Variants in SLC41A2 observed in about 807,000 individuals in gnomAD.
SLC41A2 encodes SLC41A1-like 1.
A neutral mutation model predicts 58.3 loss-of-function variants in SLC41A2; 32 were observed. That is an observed-to-expected ratio of 0.55 (90% CI 0.41 to 0.74). The LOEUF is 0.74. Among genes scored for constraint, SLC41A2 ranks in the 30% least tolerant of loss-of-function variants. The pLI, the probability that SLC41A2 is intolerant of heterozygous loss-of-function variation, is 0.00. For synonymous variants in SLC41A2, 190 were observed against 235.0 expected, an observed-to-expected ratio of 0.81 and a Z score of 1.75; for missense variants, 514 against 680.6, an observed-to-expected ratio of 0.76 and a Z score of 2.72.
Position 104,947,194 on chromosome 12 carries a change from C to CTTTTTTTTTTTTTTT in SLC41A2, c.-168+10893_-168+10894insAAAAAAAAAAAAAAA, listed in dbSNP as rs1491116311. 1.3e-4 allele frequency among the ~76,000 whole-genome samples: 7 copies of CTTTTTTTTTTTTTTT among 53,688 alleles called. 2 individuals are homozygous for CTTTTTTTTTTTTTTT. Among genetic ancestry groups the CTTTTTTTTTTTTTTT allele is most frequent in the East Asian group, 1.0e-3 (1 of 982 alleles). The allele number at this position is 53,688 out of a possible 152,430, so 35.2% of individuals were successfully genotyped here. A position where few individuals can be genotyped will look rare whatever the true frequency, so the allele number is the denominator to read the frequency against. On this transcript the variant is annotated intron_variant, in intron 1 of 10. Coordinates refer to ENST00000258538, the MANE Select transcript of SLC41A2 (RefSeq NM_001352171.3). ...CTGAATTTCTGGCTTTTATTTTTGTCCTTTTTTTTTTTTTTTTTTTTTTTT... is the reference window on the plus strand; with the variant it reads ...CTGAATTTCTGGCTTTTATTTTTGTCTTTTTTTTTTTTTTTCTTTTTTTTTTTTTTTTTTTTTTTT...
intron 1 of SLC41A2, among the ~76,000 whole-genome samples, chr12:104,932,946 GAAA>G (rs749777809): frequency 2.6e-5 from 4 of 151,776 alleles, no homozygotes; most frequent in Non-Finnish European, 4.4e-5. Flanking sequence ...GAAAACCTAG[GAAA>G]AAAACTCTTC....
intron 2 of SLC41A2, among the ~76,000 whole-genome samples, chr12:104,912,111 T>A: frequency 6.6e-6 from 1 of 152,218 alleles, no homozygotes; most frequent in East Asian, 1.9e-4. Flanking sequence ...AGATCCCGGA[T>A]ATACTTCAGA....
chr12:104,821,021 A>G (rs896797581), intron 10 of SLC41A2, among the ~76,000 whole-genome samples: 3 of 152,228 alleles, frequency 2.0e-5, no homozygotes, highest in East Asian at 1.9e-4. Context: ...CGTGAGTATA[A>G]TAACAATCTT....
At chr12:104,843,829 T>G (rs1195386185) in intron 10 of SLC41A2, among the ~76,000 whole-genome samples, 1 of 152,146 alleles carries the variant, frequency 6.6e-6, no homozygotes, top group Non-Finnish European at 1.5e-5. Context: ...GAGAATTAAA[T>G]GAATCAATAC....
intron 8 of SLC41A2, among the ~76,000 whole-genome samples, chr12:104,849,671 T>C (rs2042729465): frequency 6.6e-6 from 1 of 151,884 alleles, no homozygotes; most frequent in Non-Finnish European, 1.5e-5. Flanking sequence ...CTACTAAAAA[T>C]AAAAAAATTA....
chr12:104,885,091 A>AT (rs1281245795), intron 6 of SLC41A2, among the ~76,000 whole-genome samples: 10 of 152,292 alleles, frequency 6.6e-5, no homozygotes, highest in Non-Finnish European at 1.2e-4. Flanking sequence ...AATATACTTA[A>AT]ACATGTATCA....
intron 6 of SLC41A2, among the ~76,000 whole-genome samples, chr12:104,873,799 T>G (rs1168568554): frequency 6.6e-6 from 1 of 152,202 alleles, no homozygotes; most frequent in East Asian, 1.9e-4. Flanking sequence ...TACCTTTTCA[T>G]ATACTTGTTC....
chr12:104,950,137 T>C (rs2047896634), intron 1 of SLC41A2, among the ~76,000 whole-genome samples: 1 of 152,194 alleles, frequency 6.6e-6, no homozygotes, highest in Non-Finnish European at 1.5e-5. Flanking sequence ...TGAGGAAGAA[T>C]AAATAACTTC....
At position 104,848,546 on chromosome 12, in the gene SLC41A2, T is replaced by G. The variant is rs60669490; in HGVS notation, c.1256-2572A>C. 7.1e-3 allele frequency among the ~76,000 whole-genome samples: 1,081 copies of G among 151,696 alleles called. 27 individuals carry two copies. Among genetic ancestry groups the G allele is most frequent in the East Asian group, 0.033 (171 of 5,170 alleles). ...CTTCTTTGAATAGATAAAAAAGAGG[T>G]AGAAGACACAAATTCTAATATCAAG... On this transcript the variant is annotated intron_variant, in intron 8 of 10. Transcript: ENST00000258538.
intron 7 of SLC41A2, 99 bp downstream of exon 7, chr12:104,866,333 A>G: frequency 7.7e-7 from 1 of 1,301,436 alleles, no homozygotes; most frequent in Non-Finnish European, 9.8e-7. Context: ...TTATTTTAAT[A>G]TGCATGTACA....
intron 3 of SLC41A2, among the ~76,000 whole-genome samples, chr12:104,908,040 G>A (rs1313435856): frequency 7.2e-5 from 11 of 152,062 alleles, no homozygotes; most frequent in African/African-American, 1.4e-4. Context: ...AGAGGCAGGC[G>A]GATCACCTGA....
intron 6 of SLC41A2, among the ~76,000 whole-genome samples, chr12:104,874,846 A>T (rs2043972067): frequency 6.6e-6 from 1 of 152,148 alleles, no homozygotes; most frequent in African/African-American, 2.4e-5. Context: ...GTTTCATATG[A>T]ATTTTAGAAT....
Position 104,866,466 on chromosome 12 carries a change from A to G in SLC41A2, c.1141T>C (p.Trp381Arg). The change falls in exon 7 of 11, where the codon TGG becomes CGG. Residue 381 changes from tryptophan (W) to arginine (R), a missense_variant. Transcript: ENST00000258538. ...ACCATAGCTGTTATGACAGGCTCCC[A>G]GCCTGAGTGGAGAACTGTTCTTGTG... ...PATRTVLHSG[W>R]EPVITAMVIS... The G allele has an allele frequency of 2.5e-6, 4 of 1,613,294 alleles. No homozygotes were observed. The highest frequency in any genetic ancestry group is 3.4e-6 in the Non-Finnish European group (4 of 1,179,660).
chr12:104,839,798 C>T (rs368793392), intron 10 of SLC41A2, among the ~76,000 whole-genome samples: 5 of 152,290 alleles, frequency 3.3e-5, no homozygotes, highest in Non-Finnish European at 5.9e-5. Context: ...CCACTGCGCC[C>T]GGCCTCTGCT....
chr12:104,815,074 G>A (rs147652165), intron 10 of SLC41A2, among the ~76,000 whole-genome samples: 116 of 152,086 alleles, frequency 7.6e-4, no homozygotes, highest in African/African-American at 2.7e-3. Flanking sequence ...TTCTTCCCGT[G>A]CAATTTATTT....
chr12:104,947,194 C>CTT lies in SLC41A2; in HGVS notation c.-168+10893_-168+10894insAA, dbSNP rs1491116311. On this transcript the variant is annotated intron_variant, in intron 1 of 10. Coordinates refer to ENST00000258538, the MANE Select transcript of SLC41A2 (RefSeq NM_001352171.3). ...CTGAATTTCTGGCTTTTATTTTTGT[C>CTT]CTTTTTTTTTTTTTTTTTTTTTTTT... Among the ~76,000 whole-genome samples, 143 of 53,690 alleles carry CTT rather than the reference C, an allele frequency of 2.7e-3. 32 individuals are homozygous for CTT. Among genetic ancestry groups the CTT allele is most frequent in the Non-Finnish European group, 3.2e-3 (90 of 28,160 alleles). 35.2% of individuals were successfully genotyped at this position (53,690 alleles called of 152,430 possible). A position where few individuals can be genotyped will look rare whatever the true frequency, so the allele number is the denominator to read the frequency against.
rs1172305953 is a variant in SLC41A2 at position 104,805,009 on chromosome 12, T to G, written c.*143A>C. On this transcript the variant is annotated 3_prime_UTR_variant, in exon 11 of 11. Coordinates refer to ENST00000258538, the MANE Select transcript of SLC41A2 (RefSeq NM_001352171.3). ...TGACACAAATTCCTTAAAAAAAAATTAAGGCCATTTAATTGAATCAGGGCC... is the reference window on the plus strand; with the variant it reads ...TGACACAAATTCCTTAAAAAAAAATGAAGGCCATTTAATTGAATCAGGGCC... The G allele has an allele frequency of 1.6e-6, 1 of 624,770 alleles. No individual in the cohort carries two copies. Among genetic ancestry groups the G allele is most frequent in the African/African-American group, 1.9e-5 (1 of 53,730 alleles). The allele number at this position is 624,770 out of a possible 1,614,324, so 38.7% of individuals were successfully genotyped here.
intron 8 of SLC41A2, among the ~76,000 whole-genome samples, chr12:104,860,750 G>T (rs1157708693): frequency 6.6e-6 from 1 of 151,710 alleles, no homozygotes; most frequent in Admixed American, 6.6e-5. Context: ...GCTAATTTTT[G>T]AATTTTTTAT....
chr12:104,914,622 G>A (rs2046231617), intron 2 of SLC41A2, among the ~76,000 whole-genome samples: 1 of 152,204 alleles, frequency 6.6e-6, no homozygotes, highest in African/African-American at 2.4e-5. Flanking sequence ...ACCCTGGAGT[G>A]TCTTGACACA....
Sources: allele counts gnomAD v4.1 joint callset (sites outside exome capture counted in the v4.1 genomes callset), GRCh38; gene constraint gnomAD v4.1.1; transcripts MANE v1.5; gene names NCBI Gene and HGNC (gene_info 2026-07-23, HGNC 2026-07-21).